The following DNAJC24 variants were observed in gnomAD, a reference collection of about 807,000 sequenced individuals.
DNAJC24 encodes the protein DnaJ heat shock protein family (Hsp40) member C24, also known as dnaJ homolog subfamily C member 24.
Under a neutral mutation model 18.0 loss-of-function variants are expected in DNAJC24, and 17 were observed. The ratio of observed to expected loss-of-function variants is 0.94; its 90% CI spans 0.65 to 1.42. The LOEUF (loss-of-function observed/expected upper bound fraction) is 1.42. DNAJC24 is among the 40% of genes most tolerant of loss of function. The pLI is 0.00. For synonymous variants in DNAJC24, 55 were observed against 57.7 expected (o/e 0.95, Z 0.21); for missense variants, 158 against 175.6 (o/e 0.90, Z 0.57).
chr11:31,404,370 T>C (rs1448930527), intron 2 of DNAJC24, among the ~76,000 whole-genome samples: 1 of 152,192 alleles, frequency 6.6e-6, no homozygotes, highest in Non-Finnish European at 1.5e-5. Flanking sequence ...CCTTGGCTAT[T>C]ATTTTAAGCT....
intron 2 of DNAJC24, among the ~76,000 whole-genome samples, chr11:31,382,416 A>G (rs1952385472): frequency 6.6e-6 from 1 of 152,226 alleles, no homozygotes; most frequent in Admixed American, 6.5e-5. Context: ...CCTTATCATA[A>G]TTTATCATCA....
chr11:31,401,486 C>T (rs1036308680), intron 2 of DNAJC24, among the ~76,000 whole-genome samples: 3 of 151,834 alleles, frequency 2.0e-5, no homozygotes, highest in Non-Finnish European at 2.9e-5. Context: ...ACTACCTCCC[C>T]CTCTTCCCCT....
chr11:31,390,395 C>CAAA (rs370680501), intron 2 of DNAJC24, among the ~76,000 whole-genome samples: 19 of 48,508 alleles, frequency 3.9e-4, no homozygotes, highest in East Asian at 5.8e-4. Flanking sequence ...GACTCTATCT[C>CAAA]AAAAAAAAAA....
At chr11:31,401,649 T>A (rs1476327819) in intron 2 of DNAJC24, among the ~76,000 whole-genome samples, 1 of 152,112 alleles carries the variant, frequency 6.6e-6, no homozygotes, top group East Asian at 1.9e-4. Context: ...TAGAGTGATA[T>A]TTAGCAGAAG....
chr11:31,431,836 TAAAA>T lies in DNAJC24; in HGVS notation c.*1439_*1442del, dbSNP rs1047273697. The T allele has an allele frequency of 3.3e-5, 5 of 151,560 alleles. No individual in the cohort carries two copies. Among genetic ancestry groups the T allele is most frequent in the African/African-American group, 1.2e-4 (5 of 41,276 alleles). 9.4% of individuals were successfully genotyped at this position (151,560 alleles called of 1,614,324 possible). ...CTCAAAAAAAATAAAATAAAATAAA[TAAAA>T]AAAGATATAGTATTAATGCCTGTAT... On this transcript the variant is annotated 3_prime_UTR_variant, in exon 5 of 5. Transcript: ENST00000465995.
intron 3 of DNAJC24, among the ~76,000 whole-genome samples, chr11:31,425,793 G>T (rs1243012202): frequency 1.3e-5 from 2 of 152,136 alleles, no homozygotes; most frequent in Non-Finnish European, 2.9e-5. Context: ...CCCTCCTGAA[G>T]CAGATAAGAA....
rs1350573567 is a variant in DNAJC24, at chr11:31,420,470, C to T, written c.250+5521C>T. On this transcript the variant is annotated intron_variant, in intron 3 of 4. Transcript: ENST00000465995. Reference sequence around the variant, plus strand: ...CTTATAAATCCAAAGTCAAGAGTTGCTGCCTTCCTACACTGTGGTACTTGA... The same window carrying T: ...CTTATAAATCCAAAGTCAAGAGTTGTTGCCTTCCTACACTGTGGTACTTGA... Among the ~76,000 whole-genome samples the T allele has an allele frequency of 2.0e-5, 3 of 152,218 alleles. No individual in the cohort carries two copies. In the East Asian group the frequency reaches 5.8e-4, roughly 29 times the overall value.
At chr11:31,401,443 T>C (rs891246909) in intron 2 of DNAJC24, among the ~76,000 whole-genome samples, 1 of 152,096 alleles carries the variant, frequency 6.6e-6, no homozygotes, top group Non-Finnish European at 1.5e-5. Flanking sequence ...TCTGTTTTCT[T>C]ATTCCCCTTC....
intron 2 of DNAJC24, among the ~76,000 whole-genome samples, chr11:31,409,775 A>G (rs1019574623): frequency 2.6e-5 from 4 of 152,176 alleles, no homozygotes; most frequent in African/African-American, 9.6e-5. Flanking sequence ...GAGTAAATGT[A>G]TATGTAACTT....
intron 2 of DNAJC24, among the ~76,000 whole-genome samples, chr11:31,390,290 G>T (rs184266421): frequency 1.3e-5 from 2 of 151,738 alleles, no homozygotes; most frequent in African/African-American, 2.4e-5. Context: ...CAGCTAGTAG[G>T]GGGGCTGAGG....
intron 2 of DNAJC24, among the ~76,000 whole-genome samples, chr11:31,413,579 G>A (rs1429832853): frequency 3.3e-5 from 5 of 151,934 alleles, no homozygotes; most frequent in South Asian, 4.2e-4. Flanking sequence ...TGATCCGCCC[G>A]CCTTGGCCTC....
chr11:31,384,679 T>G (rs1040311303), intron 2 of DNAJC24: 12 of 152,232 alleles, frequency 7.9e-5, no homozygotes, highest in African/African-American at 2.9e-4. Flanking sequence ...ATTTGACCTG[T>G]AGCAATCTTT....
chr11:31,399,207 G>GA (rs1342033284), intron 2 of DNAJC24, among the ~76,000 whole-genome samples: 4 of 151,920 alleles, frequency 2.6e-5, no homozygotes, highest in African/African-American at 9.7e-5. Flanking sequence ...ATTCAAAAGA[G>GA]AAAAAAGGCA....
At chr11:31,426,530 T>C (rs1400930087) in intron 4 of DNAJC24, 175 bp downstream of exon 4, 2 of 490,956 alleles carry the variant, frequency 4.1e-6, no homozygotes, top group Non-Finnish European at 3.5e-6. Context: ...ACTTTATTTA[T>C]TGACTGATGT....
intron 3 of DNAJC24, 66 bp from the exon 4 acceptor site, chr11:31,426,221 C>T: frequency 9.4e-7 from 1 of 1,069,264 alleles, no homozygotes; most frequent in Non-Finnish European, 1.4e-6. Context: ...GCCTTTTTAG[C>T]ATTCTTCAAG....
In DNAJC24 at chr11:31,426,328, T is replaced by C. The variant is rs1952860714; in HGVS notation, c.292T>C (p.Tyr98His). ...TGTAGGACCAGTAGATGCTCAAGTA[T>C]ATCTTGAAGAAATGTCTTGGAATGA... ...RNVGPVDAQV[Y>H]LEEMSWNEGD... is the part of the protein sequence containing the mutation. Residue 98 changes from tyrosine to histidine, a missense_variant, in exon 4 of 5, where the codon TAT becomes CAT. By Grantham distance (83) the Tyr-to-His change is moderately conservative. Transcript: ENST00000465995. The C allele has an allele frequency of 6.4e-7, 1 of 1,569,548 alleles. No individual in the cohort carries two copies. Among genetic ancestry groups the C allele is most frequent in the Non-Finnish European group, 8.6e-7 (1 of 1,160,690 alleles).
intron 3 of DNAJC24, among the ~76,000 whole-genome samples, chr11:31,425,841 A>C (rs1047045032): frequency 2.0e-5 from 3 of 152,148 alleles, no homozygotes. Flanking sequence ...AAACCAATAC[A>C]CCTAATGTTA....
In DNAJC24 at chr11:31,425,160, T is replaced by C. The variant is rs201475766; in HGVS notation, c.251-1127T>C. On this transcript the variant is annotated intron_variant, in intron 3 of 4. Transcript: ENST00000465995. ...AGCTTAGGTGGAATTCCAGGCTTCC[T>C]TGGACCTTCCATCTGCAGCAAAAAC... 2.0e-5 allele frequency among the ~76,000 whole-genome samples: 3 copies of C among 152,158 alleles called. No individual in the cohort carries two copies. The East Asian group carries it at 5.8e-4, about 29-fold the overall frequency.
intron 2 of DNAJC24, among the ~76,000 whole-genome samples, chr11:31,387,202 G>A (rs1289513292): frequency 3.3e-5 from 5 of 152,172 alleles, no homozygotes; most frequent in African/African-American, 9.7e-5. Context: ...ACAGAAGCCT[G>A]GCTGAATTCA....
Sources: gnomAD v4.1 joint callset for allele counts (sites outside exome capture counted in the v4.1 genomes callset) on GRCh38, gnomAD v4.1.1 for gene constraint, MANE v1.5 for transcripts, NCBI Gene and HGNC (gene_info 2026-07-23, HGNC 2026-07-21) for gene names.